The following CREBRF variants were observed in gnomAD, a reference collection of about 807,000 sequenced individuals.
The protein encoded by CREBRF is UPF0474 protein C5orf41.
In CREBRF, 5 loss-of-function variants were observed where a neutral mutation model predicts 66.1. The observed-to-expected ratio is 0.08, with a 90% CI of 0.04 to 0.16. The LOEUF (loss-of-function observed/expected upper bound fraction) is 0.16, where lower values mean the gene tolerates loss of function less well. Among genes scored for constraint, CREBRF ranks in the 10% least tolerant of loss-of-function variants. CREBRF has a pLI of 1.00. For synonymous variants in CREBRF, 229 were observed against 264.4 expected (o/e 0.87, Z 1.30); for missense variants, 531 against 744.9 (o/e 0.71, Z 3.34).
intron 7 of CREBRF, among the ~76,000 whole-genome samples, chr5:173,121,104 T>C (rs1388669466): frequency 6.6e-6 from 1 of 152,206 alleles, no homozygotes; most frequent in Non-Finnish European, 1.5e-5. Context: ...TTAATATCTG[T>C]AGATTCTAAA....
chr5:173,056,830 C>G (rs1033811555), intron 1 of CREBRF, among the ~76,000 whole-genome samples: 2 of 150,664 alleles, frequency 1.3e-5, no homozygotes, highest in African/African-American at 4.9e-5. Flanking sequence ...CCGCTGCCTC[C>G]GAGCCCGGGG....
intron 1 of CREBRF, among the ~76,000 whole-genome samples, chr5:173,063,649 G>A (rs1581654910): frequency 6.6e-6 from 1 of 151,716 alleles, no homozygotes; most frequent in African/African-American, 2.4e-5. Flanking sequence ...GATTACAGGC[G>A]TGAGCCACCA....
At chr5:173,056,913 G>A (rs1369871207) in intron 1 of CREBRF, among the ~76,000 whole-genome samples, 1 of 151,410 alleles carries the variant, frequency 6.6e-6, no homozygotes, top group Non-Finnish European at 1.5e-5. Flanking sequence ...GGGGAGGCGA[G>A]ACTGGCGGGG....
chr5:173,115,233 G>A (rs897606328), intron 7 of CREBRF, among the ~76,000 whole-genome samples: 5 of 151,272 alleles, frequency 3.3e-5, no homozygotes, highest in Non-Finnish European at 7.4e-5. Flanking sequence ...TAAGCCTCCC[G>A]AGTAGCTAGG....
chr5:173,116,422 T>C (rs1758992704), intron 7 of CREBRF, among the ~76,000 whole-genome samples: 1 of 152,240 alleles, frequency 6.6e-6, no homozygotes, highest in African/African-American at 2.4e-5. Flanking sequence ...CTCAATCTGC[T>C]TTCTGTCACT....
chr5:173,099,229 C>A (rs937341494), intron 4 of CREBRF, among the ~76,000 whole-genome samples: 1 of 152,056 alleles, frequency 6.6e-6, no homozygotes, highest in Non-Finnish European at 1.5e-5. Flanking sequence ...AATCACTGCT[C>A]ACTACAGCCT....
intron 1 of CREBRF, among the ~76,000 whole-genome samples, chr5:173,076,613 C>G (rs908689868): frequency 6.6e-6 from 1 of 151,886 alleles, no homozygotes; most frequent in East Asian, 1.9e-4. Context: ...ATTAGCCAGG[C>G]GTGGTGGTGC....
At chr5:173,126,216 C>T (rs570240190) in intron 8 of CREBRF, among the ~76,000 whole-genome samples, 1 of 152,108 alleles carries the variant, frequency 6.6e-6, no homozygotes, top group Non-Finnish European at 1.5e-5. Context: ...TCTTGGCTCC[C>T]TGCAGCCTCT....
chr5:173,131,235 A>G (rs1315841051), intron 8 of CREBRF, among the ~76,000 whole-genome samples: 2 of 152,220 alleles, frequency 1.3e-5, no homozygotes, highest in South Asian at 2.1e-4. Flanking sequence ...CGTAAAAATC[A>G]TGATTCTTTG....
intron 4 of CREBRF, among the ~76,000 whole-genome samples, chr5:173,096,454 C>T (rs1758479134): frequency 2.1e-5 from 2 of 94,928 alleles, no homozygotes; most frequent in South Asian, 4.9e-4. Flanking sequence ...CCCCTCTCCT[C>T]CCCTCTCCTC....
intron 4 of CREBRF, among the ~76,000 whole-genome samples, chr5:173,095,451 AG>A (rs1487448541): frequency 1.3e-5 from 2 of 151,998 alleles, no homozygotes; most frequent in Non-Finnish European, 2.9e-5. Context: ...GGCCTCCCAA[AG>A]TGCTGGGATT....
rs923853798 is a variant in CREBRF at position 173,091,663 on chromosome 5, AGAGAT to A, written c.1222+267_1222+271del. ...TATTTCTTATTTTTAAAATTAAAAT[AGAGAT>A]GAGAGCTTGCCACTGTGCCCAGCTG... On this transcript the variant is annotated intron_variant, in intron 4 of 8. Coordinates refer to ENST00000296953, the MANE Select transcript of CREBRF (RefSeq NM_153607.3). The A allele has an allele frequency of 4.5e-5, 51 of 1,136,828 alleles. No individual in the cohort carries two copies. The African/African-American group carries it at 7.3e-4, about 16-fold the overall frequency. The allele number at this position is 1,136,828 out of a possible 1,614,324, so 70.4% of individuals were successfully genotyped here. A position where few individuals can be genotyped will look rare whatever the true frequency, so the allele number is the denominator to read the frequency against.
chr5:173,113,991 A>C (rs918418079), intron 7 of CREBRF, among the ~76,000 whole-genome samples: 1 of 152,246 alleles, frequency 6.6e-6, no homozygotes, highest in South Asian at 2.1e-4. Flanking sequence ...AAAGTGAAAC[A>C]GTGTGAACAA....
At chr5:173,066,808 C>CTTTTTTT (rs34093582) in intron 1 of CREBRF, among the ~76,000 whole-genome samples, 24 of 63,058 alleles carry the variant, frequency 3.8e-4, no homozygotes, top group East Asian at 9.0e-4. Context: ...TTCATTGAAT[C>CTTTTTTT]TTTTTTTTTT....
chr5:173,093,245 TC>T (rs1476529563), intron 4 of CREBRF, among the ~76,000 whole-genome samples: 1 of 152,176 alleles, frequency 6.6e-6, no homozygotes, highest in East Asian at 1.9e-4. Context: ...AGTCAGTAAA[TC>T]CTACCATCAC....
intron 4 of CREBRF, among the ~76,000 whole-genome samples, chr5:173,096,903 A>G (rs1016129599): frequency 7.9e-5 from 12 of 152,154 alleles, no homozygotes; most frequent in Admixed American, 7.2e-4. Flanking sequence ...GTGGCATATC[A>G]TTGATTGATT....
chr5:173,091,460 A>G lies in CREBRF; in HGVS notation c.1222+59A>G, dbSNP rs569579262. On this transcript the variant is annotated intron_variant, in intron 4 of 8. Transcript: ENST00000296953. ...CTTTGTATTACTATTTTGAAATAGA[A>G]AGGTTTTTGTTTCTGTTTTGTTTGG... is the stretch of plus-strand genomic sequence containing the variant. 11 of 1,553,950 alleles carry G rather than the reference A, an allele frequency of 7.1e-6. No individual in the cohort carries two copies. The African/African-American group carries it at 1.5e-4, about 21-fold the overall frequency.
chr5:173,131,222 A>T (rs1167067144), intron 8 of CREBRF, among the ~76,000 whole-genome samples: 1 of 152,204 alleles, frequency 6.6e-6, no homozygotes, highest in Non-Finnish European at 1.5e-5. Context: ...TTTGAAAATA[A>T]CTCGTAAAAA....
intron 4 of CREBRF, 117 bp from the exon 5 acceptor site, chr5:173,108,507 T>C (rs1280391131): frequency 3.7e-6 from 3 of 808,620 alleles, no homozygotes; most frequent in African/African-American, 3.5e-5. Flanking sequence ...GACATGCCAA[T>C]GATGTTTTCA....
Sources: gnomAD v4.1 joint callset for allele counts (sites outside exome capture counted in the v4.1 genomes callset) on GRCh38, gnomAD v4.1.1 for gene constraint, MANE v1.5 for transcripts, NCBI Gene and HGNC (gene_info 2026-07-23, HGNC 2026-07-21) for gene names.